The following TMEM9 variants were observed in gnomAD, a reference collection of about 807,000 sequenced individuals.
TMEM9 encodes proton-transporting V-type ATPase complex assembly regulator TMEM9.
TMEM9 carries 13 observed loss-of-function variants against 22.8 expected under a neutral mutation model. The observed-to-expected ratio is 0.57, with a 90% CI of 0.37 to 0.91. TMEM9 has a LOEUF of 0.91. Among genes scored for constraint, TMEM9 ranks in the 40% least tolerant of loss-of-function variants. The pLI is 0.01. For synonymous variants in TMEM9, 88 were observed against 93.0 expected (o/e 0.95, Z 0.31); for missense variants, 182 against 238.1 (o/e 0.76, Z 1.55).
intron 1 of TMEM9, among the ~76,000 whole-genome samples, chr1:201,153,602 G>A (rs994640087): frequency 2.4e-4 from 36 of 152,322 alleles, no homozygotes; most frequent in African/African-American, 8.2e-4. Flanking sequence ...AAACTTCCTT[G>A]CTGGAAGTCC....
intron 1 of TMEM9, among the ~76,000 whole-genome samples, chr1:201,162,459 A>G (rs1297270739): frequency 1.3e-5 from 2 of 151,926 alleles, no homozygotes; most frequent in Non-Finnish European, 2.9e-5. Flanking sequence ...GATTTTTGAC[A>G]AAAGTGTATA....
chr1:201,149,950 C>T (rs1665291009), intron 2 of TMEM9, among the ~76,000 whole-genome samples: 2 of 152,138 alleles, frequency 1.3e-5, no homozygotes, highest in Admixed American at 1.3e-4. Context: ...ATGGAGCTGC[C>T]CTGAGGTTCC....
At chr1:201,168,302 C>G (rs1357791834) in intron 1 of TMEM9, among the ~76,000 whole-genome samples, 1 of 152,132 alleles carries the variant, frequency 6.6e-6, no homozygotes, top group Non-Finnish European at 1.5e-5. Context: ...ATAGGGTTCT[C>G]AGTGTTATCC....
At chr1:201,144,128 G>C in intron 3 of TMEM9, 177 bp from the exon 4 acceptor site, 6 of 621,396 alleles carry the variant, frequency 9.7e-6, no homozygotes, top group Non-Finnish European at 1.4e-5. Context: ...GAAAGGGAGG[G>C]CCCTACTCCA....
intron 1 of TMEM9, among the ~76,000 whole-genome samples, 153 bp from the exon 2 acceptor site, chr1:201,152,005 A>C (rs543696153): frequency 3.3e-5 from 5 of 152,336 alleles, no homozygotes; most frequent in African/African-American, 1.2e-4. Context: ...GTTCAAATCC[A>C]GCAAGGACTG....
In TMEM9 at chr1:201,154,029, A is replaced by G; in HGVS notation, c.-106T>C. The G allele has an allele frequency of 7.4e-7, 1 of 1,357,084 alleles. No individual in the cohort carries two copies. The highest frequency in any genetic ancestry group is 9.9e-7 in the Non-Finnish European group (1 of 1,006,720). The allele number at this position is 1,357,084 out of a possible 1,614,324, so 84.1% of individuals were successfully genotyped here. On this transcript the variant is annotated 5_prime_UTR_variant, in exon 1 of 5. Transcript: ENST00000367330. The stretch of plus-strand genomic sequence containing the variant: ...CCGCAGCCAGCACGCTAGGCCCTTA[A>G]CCATCCGGCCAAGTGGGAATGGGGT...
chr1:201,156,831 CAGATGCTAG>C (rs1665810106), upstream of TMEM9, among the ~76,000 whole-genome samples: 1 of 152,212 alleles, frequency 6.6e-6, no homozygotes, highest in Admixed American at 6.5e-5. Flanking sequence ...CCAGGGCTCA[CAGATGCTAG>C]GTACCCCAGG....
At chr1:201,148,522 T>A (rs535703386) in intron 2 of TMEM9, among the ~76,000 whole-genome samples, 1 of 152,358 alleles carries the variant, frequency 6.6e-6, no homozygotes, top group Non-Finnish European at 1.5e-5. Flanking sequence ...CCACCAAGTG[T>A]CTATACCCTG....
In TMEM9 at chr1:201,153,920, T is replaced by G. The variant is rs1347798298; in HGVS notation, c.4A>C (p.Lys2Gln). M[K>Q]LLSLVAVVGC... ...ACCACAGCCACCAAAGATAAGAGCTTCATGCTTATCAGGCTTGCTGGGCCA... is the reference window on the plus strand; with the variant it reads ...ACCACAGCCACCAAAGATAAGAGCTGCATGCTTATCAGGCTTGCTGGGCCA... The change falls in exon 1 of 5, where the codon AAG becomes CAG. Residue 2 changes from lysine to glutamine, a missense_variant. Coordinates refer to ENST00000367330, the MANE Select transcript of TMEM9 (RefSeq NM_001288565.2). 6.2e-7 allele frequency: 1 copy of G among 1,610,802 alleles called. No homozygotes were observed. The highest frequency in any genetic ancestry group is 2.2e-5 in the East Asian group (1 of 44,804).
At chr1:201,159,416 T>C (rs1375521126), upstream of TMEM9, among the ~76,000 whole-genome samples, 2 of 151,964 alleles carry the variant, frequency 1.3e-5, no homozygotes, top group Non-Finnish European at 2.9e-5. Flanking sequence ...GTAGTACCCT[T>C]TTCTAGCTGG....
At chr1:201,166,866 G>A (rs1271414395) in intron 1 of TMEM9, among the ~76,000 whole-genome samples, 1 of 152,194 alleles carries the variant, frequency 6.6e-6, no homozygotes, top group Non-Finnish European at 1.5e-5. Context: ...CCCTGGTTCT[G>A]CCGCAGCTCT....
intron 4 of TMEM9, among the ~76,000 whole-genome samples, chr1:201,143,287 C>T (rs771580477): frequency 7.9e-5 from 12 of 152,196 alleles, no homozygotes; most frequent in South Asian, 2.1e-4. Context: ...ATCCTTGCAA[C>T]GCTCAAAATT....
intron 1 of TMEM9, among the ~76,000 whole-genome samples, chr1:201,160,325 C>A (rs897764323): frequency 2.6e-5 from 4 of 152,232 alleles, no homozygotes; most frequent in African/African-American, 9.6e-5. Context: ...CATGTTGGCT[C>A]ACGCCTGTAA....
chr1:201,157,366 G>C (rs1665827603), upstream of TMEM9, among the ~76,000 whole-genome samples: 1 of 152,198 alleles, frequency 6.6e-6, no homozygotes, highest in African/African-American at 2.4e-5. Flanking sequence ...GGAGTCCCAT[G>C]GTGAACATGC....
At chr1:201,158,583 T>C (rs1043648239), upstream of TMEM9, among the ~76,000 whole-genome samples, 5 of 152,058 alleles carry the variant, frequency 3.3e-5, no homozygotes, top group African/African-American at 1.2e-4. Context: ...GGGAGCTCAG[T>C]GACATCAGAG....
At chr1:201,151,962 A>AT (rs1307173390) in intron 1 of TMEM9, 110 bp from the exon 2 acceptor site, 3 of 782,360 alleles carry the variant, frequency 3.8e-6, no homozygotes, top group Admixed American at 1.9e-5. Flanking sequence ...TAGGTGAACC[A>AT]TATCTATGCT....
intron 4 of TMEM9, among the ~76,000 whole-genome samples, chr1:201,138,475 A>C (rs150536265): frequency 7.9e-5 from 12 of 152,264 alleles, no homozygotes; most frequent in African/African-American, 2.9e-4. Context: ...TGGTGGGTGG[A>C]AGTGGGAGAA....
chr1:201,137,055 G>C (rs1664060509), intron 4 of TMEM9, among the ~76,000 whole-genome samples: 1 of 152,242 alleles, frequency 6.6e-6, no homozygotes, highest in African/African-American at 2.4e-5. Context: ...TCTTGTGAGT[G>C]CTCCTCTCTA....
At chr1:201,162,434 G>A (rs888447708) in intron 1 of TMEM9, among the ~76,000 whole-genome samples, 25 of 151,472 alleles carry the variant, frequency 1.7e-4, no homozygotes, top group East Asian at 1.4e-3. Flanking sequence ...ACTGTGCCTC[G>A]CCTTATGCCC....
Sources: allele counts gnomAD v4.1 joint callset (sites outside exome capture counted in the v4.1 genomes callset), GRCh38; gene constraint gnomAD v4.1.1; transcripts MANE v1.5; gene names NCBI Gene and HGNC (gene_info 2026-07-23, HGNC 2026-07-21).